The following GFOD2 variants were observed in gnomAD, a reference collection of about 807,000 sequenced individuals.
GFOD2 encodes the protein Gfo/Idh/MocA-like oxidoreductase domain containing 2.
In GFOD2, 9 loss-of-function variants were observed where a neutral mutation model predicts 24.6. That is an observed-to-expected ratio of 0.37 (90% CI 0.22 to 0.64). GFOD2 has a LOEUF of 0.64. Among genes scored for constraint, GFOD2 ranks in the 30% least tolerant of loss-of-function variants. The pLI is 0.65. For synonymous variants in GFOD2, 211 were observed against 224.8 expected, an observed-to-expected ratio of 0.94 and a Z score of 0.55; for missense variants, 476 against 532.5, an observed-to-expected ratio of 0.89 and a Z score of 1.04.
intron 1 of GFOD2, among the ~76,000 whole-genome samples, chr16:67,698,802 C>T (rs1323963734): frequency 1.3e-5 from 2 of 151,886 alleles, no homozygotes; most frequent in African/African-American, 4.8e-5. Context: ...TTTAATTTGG[C>T]AGAAAGACGT....
intron 1 of GFOD2, among the ~76,000 whole-genome samples, chr16:67,709,943 TTATC>T (rs1182056494): frequency 6.7e-6 from 1 of 149,762 alleles, no homozygotes; most frequent in Admixed American, 6.7e-5. Flanking sequence ...AGCCTTATGT[TTATC>T]TATTTTTTAT....
Position 67,682,560 on chromosome 16 carries a change from T to C in GFOD2, c.259+2897A>G. ...GAAATTCATGGGAAAGCTTTAAGGA[T>C]GAAATCGGAGGTAGAAGATGAAGAA... On this transcript the variant is annotated intron_variant, in intron 2 of 2. Coordinates refer to ENST00000268797, the MANE Select transcript of GFOD2 (RefSeq NM_030819.4). 4.1e-6 allele frequency: 4 copies of C among 985,260 alleles called. No homozygotes were observed. The South Asian group carries it at 1.9e-4, about 46-fold the overall frequency. The allele number at this position is 985,260 out of a possible 1,614,324, so 61.0% of individuals were successfully genotyped here. A position where few individuals can be genotyped will look rare whatever the true frequency, so the allele number is the denominator to read the frequency against.
intron 2 of GFOD2, chr16:67,685,084 G>A: frequency 6.5e-6 from 8 of 1,222,362 alleles, no homozygotes; most frequent in Non-Finnish European, 8.2e-6. Context: ...TTCCTGTGGT[G>A]CTGTGTGCCC....
At chr16:67,715,938 T>G (rs1597807197) in intron 1 of GFOD2, among the ~76,000 whole-genome samples, 1 of 151,842 alleles carries the variant, frequency 6.6e-6, no homozygotes, top group South Asian at 2.1e-4. Flanking sequence ...AGCCCAGGAG[T>G]CAGAGGCTGC....
chr16:67,701,971 A>T (rs563423136), intron 1 of GFOD2, among the ~76,000 whole-genome samples: 200 of 152,270 alleles, frequency 1.3e-3, no homozygotes, highest in Non-Finnish European at 2.7e-3. Flanking sequence ...TCTAGTCTGT[A>T]GAACCCCAGC....
intron 1 of GFOD2, among the ~76,000 whole-genome samples, chr16:67,694,108 C>T (rs2053338657): frequency 6.6e-6 from 1 of 152,060 alleles, no homozygotes. Context: ...GATTCTCCTG[C>T]CTCAGCCTCC....
At chr16:67,678,304 C>T (rs561678120) in intron 2 of GFOD2, among the ~76,000 whole-genome samples, 11 of 152,206 alleles carry the variant, frequency 7.2e-5, no homozygotes, top group African/African-American at 2.4e-4. Flanking sequence ...GGAAGAAACC[C>T]CGTCTCTACT....
intron 1 of GFOD2, among the ~76,000 whole-genome samples, chr16:67,709,757 G>GATAC (rs2053460695): frequency 6.6e-6 from 1 of 151,870 alleles, no homozygotes; most frequent in Non-Finnish European, 1.5e-5. Context: ...TAGGACCACA[G>GATAC]GCACATGCCA....
At position 67,675,492 on chromosome 16, in the gene GFOD2, G is replaced by C. The variant is rs765420175; in HGVS notation, c.821C>G (p.Ala274Gly). 3 of 1,612,028 alleles carry C rather than the reference G, an allele frequency of 1.9e-6. No homozygotes were observed. Among genetic ancestry groups the C allele is most frequent in the Non-Finnish European group, 2.5e-6 (3 of 1,179,998 alleles). Reference sequence around the variant, plus strand: ...CCTCAAGAGCAGCTCCTCTTGCGTGGCAGAGTTCTTCTGCCCATAGAGGTC... The same window carrying C: ...CCTCAAGAGCAGCTCCTCTTGCGTGCCAGAGTTCTTCTGCCCATAGAGGTC... ...GADLYGQKNS[A>G]TQEELLLRDS... The change falls in exon 3 of 3, where the codon GCC becomes GGC. Residue 274 changes from alanine (A) to glycine (G), a missense_variant. Physicochemically the swap from Ala to Gly is moderately conservative, Grantham distance 60. Transcript: ENST00000268797.
In GFOD2 at chr16:67,675,274, C is replaced by A; in HGVS notation, c.1039G>T (p.Val347Leu). Reference protein sequence around the residue: ...SFEDGLYMQSVVDAIKRSSRS... With the variant: ...SFEDGLYMQSLVDAIKRSSRS... ...CTCGACCTCTTGATGGCATCCACCACGCTCTGCATGTACAGCCCATCCTCG... is the reference window on the plus strand; with the variant it reads ...CTCGACCTCTTGATGGCATCCACCAAGCTCTGCATGTACAGCCCATCCTCG... The change falls in exon 3 of 3, where the codon GTG (valine) becomes TTG (leucine). Residue 347 changes from valine to leucine, a missense_variant. Val to Leu is a conservative substitution (Grantham distance 32). Transcript: ENST00000268797. 1 of 1,612,970 alleles carries A rather than the reference C, an allele frequency of 6.2e-7. No homozygotes were observed. Among genetic ancestry groups the A allele is most frequent in the Non-Finnish European group, 8.5e-7 (1 of 1,180,032 alleles).
chr16:67,679,747 C>T (rs955961353), intron 2 of GFOD2, among the ~76,000 whole-genome samples: 2 of 151,628 alleles, frequency 1.3e-5, no homozygotes, highest in Admixed American at 1.3e-4. Flanking sequence ...ATTAGCTGGG[C>T]GGGGTGGCAG....
At chr16:67,695,658 C>G (rs112861960) in intron 1 of GFOD2, among the ~76,000 whole-genome samples, 2 of 151,468 alleles carry the variant, frequency 1.3e-5, no homozygotes, top group East Asian at 3.9e-4. Flanking sequence ...GTCTCAGCCT[C>G]CCGAGTAGCT....
In GFOD2 at chr16:67,675,375, G is replaced by A. The variant is rs1161341729; in HGVS notation, c.938C>T (p.Ala313Val). The A allele has an allele frequency of 6.2e-7, 1 of 1,613,204 alleles. No individual in the cohort carries two copies. Among genetic ancestry groups the A allele is most frequent in the Non-Finnish European group, 8.5e-7 (1 of 1,179,988 alleles). ...CTGCCCCTGGAAGGACTGGCGCAAG[G>A]CCTGCACCATGTAGACCATGCCCTT... is the stretch of plus-strand genomic sequence containing the variant. ...YLKGMVYMVQ[A>V]LRQSFQGQGD... Residue 313 changes from alanine to valine, a missense_variant, in exon 3 of 3, where the codon GCC becomes GTC. Transcript: ENST00000268797.
chr16:67,680,793 T>C, intron 2 of GFOD2: 1 of 961,726 alleles, frequency 1.0e-6, no homozygotes, highest in East Asian at 1.1e-4. Flanking sequence ...CTTTAAGTTC[T>C]AGGGTACATG....
In GFOD2 at chr16:67,675,133, G is replaced by A; in HGVS notation, c.*22C>T. 2 of 1,593,672 alleles carry A rather than the reference G, an allele frequency of 1.3e-6. No individual in the cohort carries two copies. Among genetic ancestry groups the A allele is most frequent in the South Asian group, 1.1e-5 (1 of 87,748 alleles). On this transcript the variant is annotated 3_prime_UTR_variant, in exon 3 of 3. Coordinates refer to ENST00000268797, the MANE Select transcript of GFOD2 (RefSeq NM_030819.4). ...CCCCTCCCTGGTCCCTCTGCCCTGT[G>A]GCAAGGAGCCCAGGTGCAGGCTCAT...
chr16:67,709,817 T>C (rs1190839123), intron 1 of GFOD2, among the ~76,000 whole-genome samples: 18 of 152,144 alleles, frequency 1.2e-4, no homozygotes, highest in Non-Finnish European at 1.5e-5. Flanking sequence ...GGGTTTCCCA[T>C]ATTGCCCAGG....
At chr16:67,680,677 C>T (rs906832377) in intron 2 of GFOD2, 6 of 972,508 alleles carry the variant, frequency 6.2e-6, no homozygotes, top group African/African-American at 5.3e-5. Flanking sequence ...GATTACAAAC[C>T]TCAGTGCTGC....
chr16:67,715,841 A>G (rs1292244719), intron 1 of GFOD2, among the ~76,000 whole-genome samples: 1 of 152,048 alleles, frequency 6.6e-6, no homozygotes, highest in African/African-American at 2.4e-5. Flanking sequence ...TCTACAAAAA[A>G]AAAAAAAACT....
At chr16:67,678,628 C>G (rs893963572) in intron 2 of GFOD2, among the ~76,000 whole-genome samples, 8 of 152,172 alleles carry the variant, frequency 5.3e-5, no homozygotes, top group African/African-American at 1.9e-4. Context: ...AATCTTGGCT[C>G]TCTCACTTCA....
Sources: allele counts gnomAD v4.1 joint callset (sites outside exome capture counted in the v4.1 genomes callset), GRCh38; gene constraint gnomAD v4.1.1; transcripts MANE v1.5; gene names NCBI Gene and HGNC (gene_info 2026-07-23, HGNC 2026-07-21).